Variants in MTAP observed in about 807,000 individuals in gnomAD.
The protein encoded by MTAP is methylthioadenosine phosphorylase.
Under a neutral mutation model 33.6 loss-of-function variants are expected in MTAP, and 33 were observed. That is an observed-to-expected ratio of 0.98 (90% CI 0.74 to 1.31). The LOEUF is 1.31. Ranked by LOEUF, MTAP falls within the 40% of genes most tolerant of loss-of-function variation. The pLI, the probability that MTAP is intolerant of heterozygous loss-of-function variation, is 0.00. For synonymous variants in MTAP, 148 were observed against 125.7 expected (o/e 1.18, Z -1.19); for missense variants, 367 against 360.0 (o/e 1.02, Z -0.16).
intron 1 of MTAP, chr9:21,811,510 GAC>G (rs904249968): frequency 3.8e-6 from 1 of 261,440 alleles, no homozygotes; most frequent in African/African-American, 2.2e-5. Context: ...GTGATGTCAA[GAC>G]ACAACAGCAA....
intron 5 of MTAP, among the ~76,000 whole-genome samples, chr9:21,839,191 A>ATTTTTT (rs1229091482): frequency 1.8e-5 from 2 of 113,930 alleles, no homozygotes; most frequent in African/African-American, 9.4e-5. Flanking sequence ...TTTTTTTTAA[A>ATTTTTT]AAAGTGGCAG....
intron 1 of MTAP, among the ~76,000 whole-genome samples, chr9:21,804,401 C>A (rs1824151437): frequency 6.6e-6 from 1 of 152,320 alleles, no homozygotes; most frequent in South Asian, 2.1e-4. Flanking sequence ...GGTTTCCCTT[C>A]AAATTAATGC....
intron 1 of MTAP, among the ~76,000 whole-genome samples, chr9:21,899,632 C>T (rs898423479): frequency 2.1e-4 from 31 of 151,182 alleles, no homozygotes; most frequent in Non-Finnish European, 4.4e-4. Context: ...AAGCAGGGTA[C>T]ATGCCAGATG....
At chr9:21,913,458 C>G (rs1292288534) in intron 1 of MTAP, among the ~76,000 whole-genome samples, 1 of 152,034 alleles carries the variant, frequency 6.6e-6, no homozygotes, top group Non-Finnish European at 1.5e-5. Context: ...AGAATAGAGC[C>G]CATGGAAATA....
rs566863075 is a variant in MTAP at position 21,918,925 on chromosome 9, A to G, written c.148-12083A>G. ...TTTATTAGCAGCGTGAGAACAGACT[A>G]ATAAAATGATACCTGTACTAGAATC... On this transcript the variant is annotated intron_variant, in intron 1 of 1. Transcript: ENST00000577563. Among the ~76,000 whole-genome samples, 44 of 152,328 alleles carry G rather than the reference A, an allele frequency of 2.9e-4. 1 individual carries two copies. The South Asian group carries it at 8.3e-3, about 29-fold the overall frequency.
chr9:21,805,766 G>T (rs973611525), intron 1 of MTAP, among the ~76,000 whole-genome samples: 1 of 152,192 alleles, frequency 6.6e-6, no homozygotes, highest in African/African-American at 2.4e-5. Context: ...AATCTGCTGT[G>T]ACCTTGAACT....
Position 21,867,074 on chromosome 9 carries a change from G to T in MTAP, c.*5060G>T, listed in dbSNP as rs946707845. 5 of 152,038 alleles carry T rather than the reference G, an allele frequency of 3.3e-5. No homozygotes were observed. Among genetic ancestry groups the T allele is most frequent in the African/African-American group, 1.2e-4 (5 of 41,418 alleles). 9.4% of individuals were successfully genotyped at this position (152,038 alleles called of 1,614,324 possible). A position where few individuals can be genotyped will look rare whatever the true frequency, so the allele number is the denominator to read the frequency against. On this transcript the variant is annotated 3_prime_UTR_variant, in exon 8 of 8. Transcript: ENST00000644715. Reference sequence around the variant, plus strand: ...TCTGTAATCTTATTAAATTCACTTAGTTCAGTAGTAGTTCTTATTTTTATT... The same window carrying T: ...TCTGTAATCTTATTAAATTCACTTATTTCAGTAGTAGTTCTTATTTTTATT...
At chr9:21,874,198 G>T (rs114950430) in intron 1 of MTAP, among the ~76,000 whole-genome samples, 9 of 151,994 alleles carry the variant, frequency 5.9e-5, no homozygotes, top group Admixed American at 5.9e-4. Flanking sequence ...TCTGCCACCC[G>T]GCTTCAAGAA....
downstream of MTAP, among the ~76,000 whole-genome samples, chr9:21,870,887 C>T (rs181447165): frequency 9.1e-3 from 1,381 of 150,998 alleles, 16 homozygotes; most frequent in African/African-American, 0.032. Flanking sequence ...AATTCTGCCT[C>T]AGCCTCCCAA....
chr9:21,868,030 G>A (rs1825881456), downstream of MTAP, among the ~76,000 whole-genome samples: 1 of 152,144 alleles, frequency 6.6e-6, no homozygotes, highest in Non-Finnish European at 1.5e-5. Context: ...TAAGTTTGTG[G>A]TGATGTATAG....
chr9:21,823,392 G>A (rs558736857), intron 4 of MTAP, among the ~76,000 whole-genome samples: 60 of 152,298 alleles, frequency 3.9e-4, no homozygotes, highest in African/African-American at 1.3e-3. Context: ...GGCTGGATAT[G>A]AAATTCTGGG....
At chr9:21,839,283 A>G (rs1825186856) in intron 5 of MTAP, among the ~76,000 whole-genome samples, 1 of 151,938 alleles carries the variant, frequency 6.6e-6, no homozygotes, top group Non-Finnish European at 1.5e-5. Context: ...TCTTCCTCTG[A>G]AGCACAGATC....
At chr9:21,840,027 A>G (rs1162331774) in intron 5 of MTAP, among the ~76,000 whole-genome samples, 1 of 152,080 alleles carries the variant, frequency 6.6e-6, no homozygotes, top group Non-Finnish European at 1.5e-5. Context: ...GAGATCAAGA[A>G]CATTCTGGCT....
At chr9:21,846,549 C>G (rs1259348685) in intron 5 of MTAP, among the ~76,000 whole-genome samples, 2 of 152,138 alleles carry the variant, frequency 1.3e-5, no homozygotes, top group East Asian at 3.9e-4. Flanking sequence ...CCACCTTACT[C>G]CTGCAAGAAT....
exon 2 of MTAP, chr9:21,931,049 T>C (rs761259270): frequency 3.9e-6 from 3 of 764,394 alleles, no homozygotes; most frequent in Non-Finnish European, 4.8e-6. Flanking sequence ...GATACCATCC[T>C]TTCAATATTC....
In MTAP at chr9:21,865,367, T is replaced by C. The variant is rs761951729; in HGVS notation, c.*3353T>C. On this transcript the variant is annotated 3_prime_UTR_variant, in exon 8 of 8. Transcript: ENST00000644715. ...TTCCCAGCTATGTGGAACTGTGAGT[T>C]AATTAAACCTCTTTCCTTTATAAAT... 7 of 888,662 alleles carry C rather than the reference T, an allele frequency of 7.9e-6. No homozygotes were observed. Among genetic ancestry groups the C allele is most frequent in the Non-Finnish European group, 9.4e-6 (7 of 741,854 alleles). 55.0% of individuals were successfully genotyped at this position (888,662 alleles called of 1,614,324 possible).
At chr9:21,888,378 C>A (rs535412127) in intron 1 of MTAP, among the ~76,000 whole-genome samples, 1 of 152,138 alleles carries the variant, frequency 6.6e-6, no homozygotes, top group East Asian at 1.9e-4. Context: ...TCTTTGTTGA[C>A]TTTTGGTCTT....
chr9:21,895,617 T>G (rs1818278440), intron 1 of MTAP, among the ~76,000 whole-genome samples: 1 of 152,200 alleles, frequency 6.6e-6, no homozygotes, highest in African/African-American at 2.4e-5. Context: ...ACCCTAATAC[T>G]GTGCTTTTCC....
intron 5 of MTAP, among the ~76,000 whole-genome samples, chr9:21,843,529 C>A (rs1191955514): frequency 1.3e-5 from 2 of 152,058 alleles, no homozygotes; most frequent in African/African-American, 4.8e-5. Context: ...ATTTGAAAAT[C>A]AAAATTATAT....
Sources: gnomAD v4.1 joint callset for allele counts (sites outside exome capture counted in the v4.1 genomes callset) on GRCh38, gnomAD v4.1.1 for gene constraint, MANE v1.5 for transcripts, NCBI Gene and HGNC (gene_info 2026-07-23, HGNC 2026-07-21) for gene names.